RTRAF: variants seen among roughly 807,000 people sequenced by gnomAD.
The protein encoded by RTRAF is tRNA-splicing ligase complex subunit RTRAF.
In RTRAF, 14 loss-of-function variants were observed where a neutral mutation model predicts 34.4. The ratio of observed to expected loss-of-function variants is 0.41; its 90% CI spans 0.27 to 0.64. RTRAF has a LOEUF of 0.64. Ranked by LOEUF, RTRAF falls within the 30% of genes least tolerant of loss-of-function variation. The pLI is 0.34. For synonymous variants in RTRAF, 96 were observed against 95.3 expected, an observed-to-expected ratio of 1.01 and a Z score of -0.04; for missense variants, 291 against 288.4, an observed-to-expected ratio of 1.01 and a Z score of -0.06.
At position 52,007,912 on chromosome 14, in the gene RTRAF, A is replaced by C. The variant is rs1020876205; in HGVS notation, c.*3396A>C. On this transcript the variant is annotated 3_prime_UTR_variant, in exon 8 of 8. Coordinates refer to ENST00000261700, the MANE Select transcript of RTRAF (RefSeq NM_016039.3). Reference sequence around the variant, plus strand: ...AGAATTCTTCTGTTTTCTCCATCTAAAGATGACGTTTCAATTTTAGGAGCT... The same window carrying C: ...AGAATTCTTCTGTTTTCTCCATCTACAGATGACGTTTCAATTTTAGGAGCT... 13 of 1,613,674 alleles carry C rather than the reference A, an allele frequency of 8.1e-6. No homozygotes were observed. The African/African-American group carries it at 9.3e-5, about 12-fold the overall frequency.
rs563287775 is a variant in RTRAF, at chr14:52,004,756, T to C, written c.*240T>C. 8.0e-5 allele frequency: 30 copies of C among 374,936 alleles called. No homozygotes were observed. The highest frequency in any genetic ancestry group is 1.3e-4 in the Non-Finnish European group (28 of 211,802). 23.2% of individuals were successfully genotyped at this position (374,936 alleles called of 1,614,324 possible). A position where few individuals can be genotyped will look rare whatever the true frequency, so the allele number is the denominator to read the frequency against. ...CTTTCTCCTTTGTGGTTAAGGCATATATGCCAACCCCCAGCTTTGTCCTAG... is the reference window on the plus strand; with the variant it reads ...CTTTCTCCTTTGTGGTTAAGGCATACATGCCAACCCCCAGCTTTGTCCTAG... On this transcript the variant is annotated 3_prime_UTR_variant, in exon 8 of 8. Transcript: ENST00000261700.
In RTRAF at chr14:52,004,250, A is replaced by AT. The variant is rs1358021887; in HGVS notation, c.580+12dup. The AT allele has an allele frequency of 6.2e-7, 1 of 1,613,034 alleles. No individual in the cohort carries two copies. Among genetic ancestry groups the AT allele is most frequent in the Non-Finnish European group, 8.5e-7 (1 of 1,179,468 alleles). On this transcript the variant is annotated intron_variant, in intron 7 of 7. Transcript: ENST00000261700. ...TTGGTTTTGACACAGGAGGTAAGTG[A>AT]TTTTGTTTAAATTCAAACTATTTTT... is the stretch of plus-strand genomic sequence containing the variant.
In RTRAF at chr14:52,006,793, C is replaced by A; in HGVS notation, c.*2277C>A. On this transcript the variant is annotated 3_prime_UTR_variant, in exon 8 of 8. Transcript: ENST00000261700. ...TTCCATTACAGTCATAGATTAGCAA[C>A]TGTAAAATTACCTGTCCTATTACTA... The A allele has an allele frequency of 1.1e-6, 1 of 933,298 alleles. No homozygotes were observed. The highest frequency in any genetic ancestry group is 2.5e-5 in the Admixed American group (1 of 39,320). The allele number at this position is 933,298 out of a possible 1,614,324, so 57.8% of individuals were successfully genotyped here.
chr14:52,002,750 T>G (rs1890620003), intron 6 of RTRAF, among the ~76,000 whole-genome samples: 2 of 152,226 alleles, frequency 1.3e-5, no homozygotes, highest in African/African-American at 4.8e-5. Flanking sequence ...ACAACTATGT[T>G]GTTTGTCCTC....
chr14:51,993,321 C>T (rs528028990), intron 2 of RTRAF, among the ~76,000 whole-genome samples: 3 of 152,146 alleles, frequency 2.0e-5, no homozygotes, highest in Admixed American at 6.5e-5. Flanking sequence ...GTGGCATTTC[C>T]ATAATATGAA....
chr14:51,991,181 C>T lies in RTRAF; in HGVS notation c.62-136C>T, dbSNP rs557537967. ...TCAACTCCAGAATCTGTACTTTCAA[C>T]TCCCTCTTTTGGTTCAATTAATTTA... is the stretch of plus-strand genomic sequence containing the variant. On this transcript the variant is annotated intron_variant, in intron 1 of 7. Transcript: ENST00000261700. 4.6e-4 allele frequency: 387 copies of T among 850,162 alleles called. 1 individual carries two copies. The highest frequency in any genetic ancestry group is 5.8e-4 in the Non-Finnish European group (321 of 553,434). The allele number at this position is 850,162 out of a possible 1,614,324, so 52.7% of individuals were successfully genotyped here. A position where few individuals can be genotyped will look rare whatever the true frequency, so the allele number is the denominator to read the frequency against.
rs1233239967 is a variant in RTRAF at position 51,993,480 on chromosome 14, A to G, written c.187-243A>G. Among the ~76,000 whole-genome samples, 2 of 152,178 alleles carry G rather than the reference A, an allele frequency of 1.3e-5. 1 individual carries two copies. Among genetic ancestry groups the G allele is most frequent in the Non-Finnish European group, 2.9e-5 (2 of 68,020 alleles). ...GTTGTGTAACCCTTGGCAAGTGTCAATCTCTAGGCCTCAGCTTTCTCATCT... is the reference window on the plus strand; with the variant it reads ...GTTGTGTAACCCTTGGCAAGTGTCAGTCTCTAGGCCTCAGCTTTCTCATCT... On this transcript the variant is annotated intron_variant, in intron 2 of 7. Transcript: ENST00000261700.
Position 51,989,580 on chromosome 14 carries a change from T to G in RTRAF, c.-60T>G, listed in dbSNP as rs920714025. 4 of 1,533,000 alleles carry G rather than the reference T, an allele frequency of 2.6e-6. No homozygotes were observed. Among genetic ancestry groups the G allele is most frequent in the African/African-American group, 2.8e-5 (2 of 71,602 alleles). The allele number at this position is 1,533,000 out of a possible 1,614,324, so 95.0% of individuals were successfully genotyped here. On this transcript the variant is annotated 5_prime_UTR_variant, in exon 1 of 8. Transcript: ENST00000261700. ...CGTCGCCGGTGCCTGCGCCTCCCGC[T>G]CCACCTCGCTTCTTCTCTCCCGGCC...
In RTRAF at chr14:52,005,743, G is replaced by A. The variant is rs1311635123; in HGVS notation, c.*1227G>A. 3.7e-6 allele frequency: 6 copies of A among 1,610,682 alleles called. No homozygotes were observed. In the South Asian group the frequency reaches 4.4e-5, roughly 12 times the overall value. Reference sequence around the variant, plus strand: ...CCTAAAGCATACTTTTTACCTGTTGGGCAGTAGGGGTAGACTGCAGTTATC... The same window carrying A: ...CCTAAAGCATACTTTTTACCTGTTGAGCAGTAGGGGTAGACTGCAGTTATC... On this transcript the variant is annotated 3_prime_UTR_variant, in exon 8 of 8. Transcript: ENST00000261700.
At chr14:51,990,780 CA>C (rs1216211832) in intron 1 of RTRAF, among the ~76,000 whole-genome samples, 1 of 152,120 alleles carries the variant, frequency 6.6e-6, no homozygotes, top group East Asian at 1.9e-4. Context: ...ACAGTTGTCA[CA>C]GTGTCTTTTT....
In RTRAF at chr14:51,999,766, G is replaced by T; in HGVS notation, c.432G>T (p.Gln144His). Residue 144 changes from glutamine (Q) to histidine (H), a missense_variant, in exon 5 of 8, where the codon CAG (glutamine) becomes CAT (histidine). Transcript: ENST00000261700. ...CTTTGGCTAACCTGCTTCAGATTCA[G>T]CGTCATGATGATTACCTGGTAATGC... is the stretch of plus-strand genomic sequence containing the variant. ...VMALANLLQI[Q>H]RHDDYLVMLK... 1 of 1,610,324 alleles carries T rather than the reference G, an allele frequency of 6.2e-7. No individual in the cohort carries two copies.
At chr14:51,996,216 G>A (rs1263297790) in intron 3 of RTRAF, among the ~76,000 whole-genome samples, 1 of 152,026 alleles carries the variant, frequency 6.6e-6, no homozygotes, top group Non-Finnish European at 1.5e-5. Context: ...AAGGTGAATG[G>A]TATCAAAAGT....
In RTRAF at chr14:52,010,289, G is replaced by A. The variant is rs1686535263; in HGVS notation, c.*5773G>A. On this transcript the variant is annotated 3_prime_UTR_variant, in exon 8 of 8. Coordinates refer to ENST00000261700, the MANE Select transcript of RTRAF (RefSeq NM_016039.3). ...GAAACTCCACTTAAACATGGCAAGA[G>A]TTTCTCAAGATATAAAAATTCTCCC... The A allele has an allele frequency of 6.6e-6, 1 of 152,234 alleles. No individual in the cohort carries two copies. Among genetic ancestry groups the A allele is most frequent in the Non-Finnish European group, 1.5e-5 (1 of 68,056 alleles). The allele number at this position is 152,234 out of a possible 1,614,324, so 9.4% of individuals were successfully genotyped here. A position where few individuals can be genotyped will look rare whatever the true frequency, so the allele number is the denominator to read the frequency against.
chr14:52,003,489 G>A (rs1890640696), intron 6 of RTRAF, among the ~76,000 whole-genome samples: 1 of 152,068 alleles, frequency 6.6e-6, no homozygotes, highest in Non-Finnish European at 1.5e-5. Context: ...TTGTAACATT[G>A]AAAGATTGAA....
In RTRAF at chr14:51,989,645, C is replaced by T; in HGVS notation, c.6C>T (p.Phe2=). 6.2e-7 allele frequency: 1 copy of T among 1,605,064 alleles called. No individual in the cohort carries two copies. The highest frequency in any genetic ancestry group is 8.5e-7 in the Non-Finnish European group (1 of 1,176,224). The change falls in exon 1 of 8, where the codon TTC becomes TTT. Residue 2 remains phenylalanine, a synonymous_variant. Transcript: ENST00000261700. M[F]RRKLTALDYH... is the part of the protein sequence containing the mutation. ...CAGAGCGAGAAGCGGGGACCATGTT[C>T]CGACGCAAGTTGACGGCTCTCGACT...
intron 2 of RTRAF, among the ~76,000 whole-genome samples, chr14:51,991,644 A>G (rs1171950598): frequency 6.6e-6 from 1 of 152,194 alleles, no homozygotes; most frequent in Non-Finnish European, 1.5e-5. Context: ...CCAAGCTTTC[A>G]GTATTAGGTA....
Position 52,006,101 on chromosome 14 carries a change from TTAATGTTCCACAGTTCCTCATTTGAGAAC to T in RTRAF, c.*1588_*1616del. 2.0e-6 allele frequency: 1 copy of T among 488,224 alleles called. No homozygotes were observed. Among genetic ancestry groups the T allele is most frequent in the East Asian group, 3.7e-5 (1 of 26,790 alleles). The allele number at this position is 488,224 out of a possible 1,614,324, so 30.2% of individuals were successfully genotyped here. A position where few individuals can be genotyped will look rare whatever the true frequency, so the allele number is the denominator to read the frequency against. ...GGGCATGGTGTAAAGGGCTTAGACT[TTAATGTTCCACAGTTCCTCATTTGAGAAC>T]TAGTCTAAATAGTATTTTTCGGTCC... On this transcript the variant is annotated 3_prime_UTR_variant, in exon 8 of 8. Transcript: ENST00000261700.
At chr14:51,993,976 T>C (rs1340243726) in intron 3 of RTRAF, among the ~76,000 whole-genome samples, 154 bp downstream of exon 3, 3 of 152,232 alleles carry the variant, frequency 2.0e-5, no homozygotes, top group Admixed American at 6.5e-5. Flanking sequence ...TTGTCTTTCA[T>C]TGGTGTTTAT....
chr14:51,995,460 G>C (rs974529673), intron 3 of RTRAF, among the ~76,000 whole-genome samples: 5 of 151,884 alleles, frequency 3.3e-5, no homozygotes, highest in African/African-American at 1.2e-4. Flanking sequence ...AGCCCACCTG[G>C]ATAATCCAGG....
Sources: gnomAD v4.1 joint callset for allele counts (sites outside exome capture counted in the v4.1 genomes callset) on GRCh38, gnomAD v4.1.1 for gene constraint, MANE v1.5 for transcripts, NCBI Gene and HGNC (gene_info 2026-07-23, HGNC 2026-07-21) for gene names.